TMEM255B: variants seen among roughly 807,000 people sequenced by gnomAD.
TMEM255B encodes the protein transmembrane protein 255B, also known as family with sequence similarity 70, member B.
Under a neutral mutation model 34.5 loss-of-function variants are expected in TMEM255B, and 35 were observed. The observed-to-expected ratio is 1.01, with a 90% CI of 0.77 to 1.34. The LOEUF (loss-of-function observed/expected upper bound fraction) is 1.34. Among genes scored for constraint, TMEM255B ranks in the 40% most tolerant of loss-of-function variants. The pLI is 0.00. For synonymous variants in TMEM255B, 206 were observed against 201.2 expected, an observed-to-expected ratio of 1.02 and a Z score of -0.20; for missense variants, 432 against 433.2, an observed-to-expected ratio of 1.00 and a Z score of 0.02.
intron 8 of TMEM255B, among the ~76,000 whole-genome samples, chr13:113,811,384 G>C (rs116485067): frequency 0.035 from 4,392 of 126,614 alleles, 252 homozygotes; most frequent in Admixed American, 0.058. Flanking sequence ...GTCTGCGGTG[G>C]GGGAGGGGGA....
At chr13:113,784,040 T>G (rs1219902543) in intron 3 of TMEM255B, among the ~76,000 whole-genome samples, 1 of 152,156 alleles carries the variant, frequency 6.6e-6, no homozygotes, top group Non-Finnish European at 1.5e-5. Flanking sequence ...TTTTGGGCCA[T>G]TGGCTGTCGT....
At chr13:113,797,299 C>T (rs760530124) in intron 4 of TMEM255B, among the ~76,000 whole-genome samples, 6 of 152,212 alleles carry the variant, frequency 3.9e-5, no homozygotes, top group Admixed American at 1.3e-4. Context: ...CAGATGCCAT[C>T]GAGGAAAATG....
chr13:113,776,916 G>A (rs1445257862), intron 3 of TMEM255B, among the ~76,000 whole-genome samples: 4 of 152,130 alleles, frequency 2.6e-5, no homozygotes, highest in African/African-American at 7.2e-5. Context: ...AGGAGCCAAC[G>A]CCTATGGATG....
At position 113,766,269 on chromosome 13, in the gene TMEM255B, G is replaced by A. The variant is rs566652191; in HGVS notation, c.189+12G>A. 3.4e-5 allele frequency: 55 copies of A among 1,613,648 alleles called. No individual in the cohort carries two copies. In the Middle Eastern group the frequency reaches 5.0e-4, roughly 15 times the overall value. On this transcript the variant is annotated intron_variant, in intron 2 of 8. Transcript: ENST00000375353. ...ACCCAGGGATCATTGTGAGTGCGCC[G>A]GGCGGGCGGCCTGGGCCGGGGAGGG...
At chr13:113,796,766 C>T (rs898269997) in intron 4 of TMEM255B, among the ~76,000 whole-genome samples, 79 of 152,390 alleles carry the variant, frequency 5.2e-4, no homozygotes, top group African/African-American at 1.9e-3. Flanking sequence ...GTCATGAACT[C>T]TCAGACCAAA....
intron 3 of TMEM255B, among the ~76,000 whole-genome samples, chr13:113,775,368 GC>G (rs1047483030): frequency 1.3e-5 from 2 of 152,252 alleles, no homozygotes; most frequent in Non-Finnish European, 2.9e-5. Flanking sequence ...TGTCGTGGGA[GC>G]CCCATCAGCC....
rs754711498 is a variant in TMEM255B, at chr13:113,814,086, A to G, written c.*2183A>G. 3.3e-5 allele frequency: 5 copies of G among 152,260 alleles called. No homozygotes were observed. The highest frequency in any genetic ancestry group is 4.8e-5 in the African/African-American group (2 of 41,562). 9.4% of individuals were successfully genotyped at this position (152,260 alleles called of 1,614,324 possible). A position where few individuals can be genotyped will look rare whatever the true frequency, so the allele number is the denominator to read the frequency against. On this transcript the variant is annotated 3_prime_UTR_variant, in exon 9 of 9. Transcript: ENST00000375353. Reference sequence around the variant, plus strand: ...CTCACTTTACCTCAGGGAAGGCTCTATGGGCGCCGATGGTGCCGTGGTCTT... The same window carrying G: ...CTCACTTTACCTCAGGGAAGGCTCTGTGGGCGCCGATGGTGCCGTGGTCTT...
intron 2 of TMEM255B, among the ~76,000 whole-genome samples, chr13:113,768,638 C>T (rs72672431): frequency 0.019 from 2,903 of 152,282 alleles, 51 homozygotes; most frequent in Middle Eastern, 0.024. Flanking sequence ...AGAGTTAGGC[C>T]GTCTGAGCAG....
chr13:113,763,955 A>C (rs918783888), intron 1 of TMEM255B, among the ~76,000 whole-genome samples: 10 of 152,238 alleles, frequency 6.6e-5, no homozygotes, highest in Non-Finnish European at 1.3e-4. Flanking sequence ...GAGCTGGAGG[A>C]GGCCTTGGGC....
In TMEM255B at chr13:113,769,145, G is replaced by C; in HGVS notation, c.237G>C (p.Glu79Asp). 6.2e-7 allele frequency: 1 copy of C among 1,614,174 alleles called. No individual in the cohort carries two copies. Among genetic ancestry groups the C allele is most frequent in the Non-Finnish European group, 8.5e-7 (1 of 1,180,010 alleles). The change falls in exon 3 of 9, where the codon GAG becomes GAC. Residue 79 changes from glutamate (E) to aspartate (D), a missense_variant. Physicochemically the swap from Glu to Asp is conservative, Grantham distance 45. Coordinates refer to ENST00000375353, the MANE Select transcript of TMEM255B (RefSeq NM_182614.4). The surrounding 1 kb of genome is among the most constrained non-coding windows in gnomAD (Gnocchi z 4.2). ...GAATTATTGGCATCAACTTGGTGGAGAATAGAAGGCAAATGGTAAGAAAGT... is the reference window on the plus strand; with the variant it reads ...GAATTATTGGCATCAACTTGGTGGACAATAGAAGGCAAATGGTAAGAAAGT... Reference protein sequence around the residue: ...FLGIIGINLVENRRQMLVAAI... With the variant: ...FLGIIGINLVDNRRQMLVAAI...
At chr13:113,787,196 A>G (rs186308902) in intron 3 of TMEM255B, among the ~76,000 whole-genome samples, 46 of 152,366 alleles carry the variant, frequency 3.0e-4, no homozygotes, top group Non-Finnish European at 5.3e-4. Flanking sequence ...GTGCACGCGC[A>G]GGGGTGTTTT....
chr13:113,760,896 G>T (rs1200273494), intron 1 of TMEM255B, among the ~76,000 whole-genome samples: 1 of 140,964 alleles, frequency 7.1e-6, no homozygotes, highest in Non-Finnish European at 1.5e-5. Flanking sequence ...GCTTTGGTGT[G>T]TCTGGGGGTG....
chr13:113,766,254 C>G lies in TMEM255B; in HGVS notation c.186C>G (p.Ile62Met), dbSNP rs779693551. Residue 62 changes from isoleucine to methionine, a missense_variant, in exon 2 of 9, where the codon ATC becomes ATG. By Grantham distance (10) the Ile-to-Met change is conservative (BLOSUM62 1). Coordinates refer to ENST00000375353, the MANE Select transcript of TMEM255B (RefSeq NM_182614.4). ...NVTVGGYYPG[I>M]ILGFGSFLGI... ...CCGTTGGGGGCTACTACCCAGGGAT[C>G]ATTGTGAGTGCGCCGGGCGGGCGGC... is the stretch of plus-strand genomic sequence containing the variant. 2.0e-5 allele frequency: 33 copies of G among 1,614,054 alleles called. No individual in the cohort carries two copies. The highest frequency in any genetic ancestry group is 2.7e-5 in the Non-Finnish European group (32 of 1,179,928).
intron 3 of TMEM255B, among the ~76,000 whole-genome samples, chr13:113,774,485 C>T (rs1447741004): frequency 6.6e-6 from 1 of 152,036 alleles, no homozygotes. Context: ...CTGTGCCCCA[C>T]GTATGTGCAC....
In TMEM255B at chr13:113,769,209, A is replaced by T. The variant is rs1044143072; in HGVS notation, c.252+49A>T. The T allele has an allele frequency of 1.9e-5, 31 of 1,596,170 alleles. No individual in the cohort carries two copies. The highest frequency in any genetic ancestry group is 3.3e-5 in the Admixed American group (2 of 59,942). Reference sequence around the variant, plus strand: ...GGGAGCATGAGTCCCTCATCAGGGGATGGTACAGCTGCACTGGGGCTCTGA... The same window carrying T: ...GGGAGCATGAGTCCCTCATCAGGGGTTGGTACAGCTGCACTGGGGCTCTGA... On this transcript the variant is annotated intron_variant, in intron 3 of 8. Transcript: ENST00000375353. The surrounding 1 kb of genome is among the most constrained non-coding windows in gnomAD (Gnocchi z 4.2).
chr13:113,812,380 G>C lies in TMEM255B; in HGVS notation c.*477G>C. On this transcript the variant is annotated 3_prime_UTR_variant, in exon 9 of 9. Transcript: ENST00000375353. ...CGTGCTGTGCTCCTGACGTATGCCA[G>C]GAAGGGAAGGACGCTTCGGCTCCAA... 1 of 161,812 alleles carries C rather than the reference G, an allele frequency of 6.2e-6. No individual in the cohort carries two copies. Among genetic ancestry groups the C allele is most frequent in the South Asian group, 1.7e-4 (1 of 5,738 alleles). 10.0% of individuals were successfully genotyped at this position (161,812 alleles called of 1,614,324 possible).
At chr13:113,798,710 C>CATGG (rs539394750) in intron 4 of TMEM255B, among the ~76,000 whole-genome samples, 4 of 125,822 alleles carry the variant, frequency 3.2e-5, no homozygotes, top group Non-Finnish European at 4.9e-5. Context: ...TGGATGGATA[C>CATGG]ATGGATGGAT....
Position 113,794,923 on chromosome 13 carries a change from G to A in TMEM255B, c.253-225G>A, listed in dbSNP as rs116536476. Among the ~76,000 whole-genome samples the A allele has an allele frequency of 4.5e-3, 680 of 152,362 alleles. 2 individuals are homozygous for A. Among genetic ancestry groups the A allele is most frequent in the African/African-American group, 0.016 (647 of 41,586 alleles). On this transcript the variant is annotated intron_variant, in intron 3 of 8. Transcript: ENST00000375353. Reference sequence around the variant, plus strand: ...GGCCCGGGGATGGCAACGCCCTTCCGTGCAGAAGGCGCCTGGGTGGGTCTT... The same window carrying A: ...GGCCCGGGGATGGCAACGCCCTTCCATGCAGAAGGCGCCTGGGTGGGTCTT...
intron 3 of TMEM255B, among the ~76,000 whole-genome samples, chr13:113,772,064 T>C (rs9604526): frequency 0.21 from 31,771 of 152,116 alleles, 4,129 homozygotes; most frequent in African/African-American, 0.36. Context: ...GGTATCTCAT[T>C]GTGGTTTTGA....
Sources: allele counts gnomAD v4.1 joint callset (sites outside exome capture counted in the v4.1 genomes callset), GRCh38; gene constraint gnomAD v4.1.1; non-coding constraint Gnocchi (gnomAD v3.1); transcripts MANE v1.5; gene names NCBI Gene and HGNC (gene_info 2026-07-23, HGNC 2026-07-21).